Variants in RAF1 observed in about 807,000 individuals in gnomAD.
The protein encoded by RAF1 is RAF proto-oncogene serine/threonine-protein kinase.
Under a neutral mutation model 81.1 loss-of-function variants are expected in RAF1, and 27 were observed. That is an observed-to-expected ratio of 0.33 (90% confidence interval 0.25 to 0.46). RAF1 has a LOEUF of 0.46. RAF1 is among the 20% of genes least tolerant of loss of function. RAF1 has a pLI of 1.00. For missense variants in RAF1, 598 were observed against 826.0 expected (o/e 0.72, Z 3.38); for synonymous variants, 298 against 294.0 (o/e 1.01, Z -0.14).
intron 3 of RAF1, among the ~76,000 whole-genome samples, chr3:12,611,382 T>C (rs1011552570): frequency 3.9e-5 from 6 of 152,138 alleles, no homozygotes; most frequent in Non-Finnish European, 8.8e-5. Context: ...CATGCCTGGC[T>C]AATTTTTAAA....
chr3:12,588,094 T>G (rs1315683670), intron 13 of RAF1: 1 of 152,012 alleles, frequency 6.6e-6, no homozygotes, highest in African/African-American at 2.4e-5. Context: ...CATGGGCCCC[T>G]GGCGCCTGAC....
chr3:12,634,152 TC>T (rs1187101011), intron 1 of RAF1, among the ~76,000 whole-genome samples: 2 of 51,054 alleles, frequency 3.9e-5, no homozygotes, highest in African/African-American at 1.4e-4. Context: ...TTCCTTTCTC[TC>T]TTTTTTTTTT....
intron 1 of RAF1, among the ~76,000 whole-genome samples, chr3:12,634,155 T>C (rs75670320): frequency 4.2e-5 from 1 of 23,940 alleles, no homozygotes; most frequent in East Asian, 0.025. Context: ...CTTTCTCTCT[T>C]TTTTTTTTTT....
chr3:12,617,703 T>G (rs1310105768), intron 2 of RAF1, among the ~76,000 whole-genome samples: 1 of 151,714 alleles, frequency 6.6e-6, no homozygotes, highest in Admixed American at 6.6e-5. Context: ...CTGGTTAACA[T>G]GGTGAAACCC....
chr3:12,642,468 C>T (rs1273743182), intron 1 of RAF1, among the ~76,000 whole-genome samples: 4 of 147,384 alleles, frequency 2.7e-5, no homozygotes, highest in African/African-American at 2.5e-5. Context: ...GCTGAGATCG[C>T]GCCACAGCAC....
chr3:12,646,889 T>C (rs1253550356), intron 1 of RAF1, among the ~76,000 whole-genome samples: 4 of 151,868 alleles, frequency 2.6e-5, no homozygotes, highest in Non-Finnish European at 5.9e-5. Flanking sequence ...TTCAATGTGT[T>C]GGCCAGGCTG....
intron 2 of RAF1, among the ~76,000 whole-genome samples, chr3:12,615,008 T>A (rs2059331529): frequency 6.6e-6 from 1 of 152,228 alleles, no homozygotes; most frequent in Admixed American, 6.5e-5. Context: ...TCTTTAAATA[T>A]CATCTAATCC....
rs182631935 is a variant in RAF1, at chr3:12,607,486, A to G, written c.582-1187T>C. Among the ~76,000 whole-genome samples the G allele has an allele frequency of 1.3e-3, 198 of 152,224 alleles. 1 individual carries two copies. The highest frequency in any genetic ancestry group is 4.6e-3 in the African/African-American group (191 of 41,546). ...AACATGCTGAAACCCCGTCTCTAGA[A>G]AAAATACAAAAATTAGCTAGGCATG... is the stretch of plus-strand genomic sequence containing the variant. On this transcript the variant is annotated intron_variant, in intron 5 of 17. Transcript: ENST00000442415.
chr3:12,621,130 A>G (rs767189911), intron 1 of RAF1, among the ~76,000 whole-genome samples: 1 of 152,220 alleles, frequency 6.6e-6, no homozygotes, highest in Non-Finnish European at 1.5e-5. Context: ...GATACACAGC[A>G]TACATTCCAA....
intron 5 of RAF1, among the ~76,000 whole-genome samples, chr3:12,608,185 G>T (rs1433376235): frequency 6.6e-6 from 1 of 152,066 alleles, no homozygotes; most frequent in African/African-American, 2.4e-5. Flanking sequence ...TTAAAAGGCA[G>T]TTTGGACCAT....
chr3:12,617,067 G>A (rs1213976734), intron 2 of RAF1, among the ~76,000 whole-genome samples: 1 of 151,480 alleles, frequency 6.6e-6, no homozygotes, highest in East Asian at 1.9e-4. Context: ...CCCGAGTACC[G>A]AGTAGCTGGG....
rs964037152 is a variant in RAF1 at position 12,600,509 on chromosome 3, T to C, written c.895-94A>G. On this transcript the variant is annotated intron_variant, in intron 8 of 17. Coordinates refer to ENST00000442415, the MANE Select transcript of RAF1 (RefSeq NM_001354689.3). ...AGGAGGAGGATGTGCAAGAACAAAA[T>C]AGATTATAAAAACCTCTAAAAACCA... 35 of 1,384,246 alleles carry C rather than the reference T, an allele frequency of 2.5e-5. No homozygotes were observed. In the African/African-American group the frequency reaches 2.6e-4, roughly 10 times the overall value. The allele number at this position is 1,384,246 out of a possible 1,614,324, so 85.7% of individuals were successfully genotyped here.
chr3:12,662,183 T>C lies in RAF1; in HGVS notation c.-27+1630A>G, dbSNP rs1037426395. Among the ~76,000 whole-genome samples, 105 of 150,280 alleles carry C rather than the reference T, an allele frequency of 7.0e-4. 1 individual carries two copies. The highest frequency in any genetic ancestry group is 2.4e-3 in the African/African-American group (100 of 40,954). ...GACTCCATCTCTACTATTTTTTTTT[T>C]AATTAGCCATGTGTGGTGGCACCTG... On this transcript the variant is annotated intron_variant, in intron 1 of 17. Transcript: ENST00000442415.
chr3:12,634,510 TAGGAA>T lies in RAF1; in HGVS notation c.-26-15768_-26-15764del, dbSNP rs541068208. On this transcript the variant is annotated intron_variant, in intron 1 of 17. Transcript: ENST00000442415. ...TATAGCAAGAGAAAGACTTAGGATA[TAGGAA>T]ACGGGACATCCAGCATAGGAAAGAA... 4.7e-3 allele frequency among the ~76,000 whole-genome samples: 716 copies of T among 152,140 alleles called. 8 individuals are homozygous for T. Among genetic ancestry groups the T allele is most frequent in the African/African-American group, 0.016 (664 of 41,476 alleles).
chr3:12,627,197 T>A (rs1042040432), intron 1 of RAF1, among the ~76,000 whole-genome samples: 1 of 152,152 alleles, frequency 6.6e-6, no homozygotes. Context: ...ACATAGTGTA[T>A]TCATAATTTA....
chr3:12,659,593 C>A (rs2060813829), intron 1 of RAF1, among the ~76,000 whole-genome samples: 1 of 135,022 alleles, frequency 7.4e-6, no homozygotes, highest in South Asian at 2.2e-4. Context: ...CCTAAATAAA[C>A]CCAGTGTTCT....
At chr3:12,660,579 G>C (rs565296640) in intron 1 of RAF1, among the ~76,000 whole-genome samples, 68 of 152,254 alleles carry the variant, frequency 4.5e-4, no homozygotes, top group Admixed American at 4.4e-3. Context: ...CTCCCAAAGT[G>C]CTGGGCTTAC....
chr3:12,602,325 A>G (rs1322337040), intron 8 of RAF1, among the ~76,000 whole-genome samples: 3 of 152,336 alleles, frequency 2.0e-5, no homozygotes, highest in Admixed American at 2.0e-4. Flanking sequence ...ATCAAAATTT[A>G]CCCTGCTTCT....
At chr3:12,635,584 C>T (rs1223153496) in intron 1 of RAF1, among the ~76,000 whole-genome samples, 2 of 139,396 alleles carry the variant, frequency 1.4e-5, no homozygotes, top group East Asian at 4.3e-4. Flanking sequence ...TGCAGTGAGC[C>T]GAGATCGTGC....
Sources: allele counts gnomAD v4.1 joint callset (sites outside exome capture counted in the v4.1 genomes callset), GRCh38; gene constraint gnomAD v4.1.1; transcripts MANE v1.5; gene names NCBI Gene and HGNC (gene_info 2026-07-23, HGNC 2026-07-21).